EHBP1: variants seen among roughly 807,000 people sequenced by gnomAD.
The protein encoded by EHBP1 is EH domain binding protein 1.
EHBP1 carries 55 observed loss-of-function variants against 144.0 expected under a neutral mutation model. That is an observed-to-expected ratio of 0.38 (90% confidence interval 0.31 to 0.48). The LOEUF (loss-of-function observed/expected upper bound fraction) is 0.48. Ranked by LOEUF, EHBP1 falls within the 20% of genes least tolerant of loss-of-function variation. The pLI, the probability that EHBP1 is intolerant of heterozygous loss-of-function variation, is 0.98. For synonymous variants in EHBP1, 469 were observed against 472.7 expected (o/e 0.99, Z 0.10); for missense variants, 1,200 against 1,364.2 (o/e 0.88, Z 1.90).
intron 3 of EHBP1, among the ~76,000 whole-genome samples, chr2:62,754,229 T>C (rs2040044017): frequency 6.6e-6 from 1 of 152,192 alleles, no homozygotes; most frequent in Non-Finnish European, 1.5e-5. Context: ...CCCTCAGCTG[T>C]AGGTCTGTTG....
At chr2:62,855,764 C>G (rs1000503029) in intron 7 of EHBP1, among the ~76,000 whole-genome samples, 1 of 152,134 alleles carries the variant, frequency 6.6e-6, no homozygotes, top group Admixed American at 6.5e-5. Context: ...GCAACCCACT[C>G]CAGGACCTCT....
At chr2:62,699,084 A>G (rs1006530174) in intron 1 of EHBP1, among the ~76,000 whole-genome samples, 1 of 152,164 alleles carries the variant, frequency 6.6e-6, no homozygotes, top group African/African-American at 2.4e-5. Flanking sequence ...CAAGATTATG[A>G]ATTTCTACCA....
chr2:62,816,014 A>C (rs1167045116), intron 5 of EHBP1, among the ~76,000 whole-genome samples: 1 of 152,222 alleles, frequency 6.6e-6, no homozygotes, highest in Admixed American at 6.5e-5. Context: ...TATTACCATT[A>C]GCCTTTAAGA....
At chr2:62,709,996 C>T (rs1471924839) in intron 2 of EHBP1, among the ~76,000 whole-genome samples, 2 of 152,000 alleles carry the variant, frequency 1.3e-5, no homozygotes, top group African/African-American at 4.8e-5. Context: ...GGTTTATACC[C>T]CCTACTCTTC....
chr2:62,931,278 G>A (rs775880554), intron 10 of EHBP1, among the ~76,000 whole-genome samples: 3 of 152,202 alleles, frequency 2.0e-5, no homozygotes, highest in Non-Finnish European at 1.5e-5. Context: ...AAAGATGCTC[G>A]ACATCACTAA....
chr2:62,676,896 A>G (rs191101102), intron 1 of EHBP1, among the ~76,000 whole-genome samples: 1 of 152,338 alleles, frequency 6.6e-6, no homozygotes, highest in Non-Finnish European at 1.5e-5. Flanking sequence ...AAGGATAGCC[A>G]GGTGTGATGC....
intron 14 of EHBP1, among the ~76,000 whole-genome samples, chr2:62,965,693 A>T (rs2058215613): frequency 6.6e-6 from 1 of 152,224 alleles, no homozygotes; most frequent in Admixed American, 6.5e-5. Flanking sequence ...GTTGATGTTC[A>T]TGAATTGACT....
At chr2:62,723,878 A>G (rs1456865038) in intron 2 of EHBP1, among the ~76,000 whole-genome samples, 2 of 152,166 alleles carry the variant, frequency 1.3e-5, no homozygotes, top group African/African-American at 4.8e-5. Flanking sequence ...TTCTCTTTGT[A>G]GATGACCTGA....
In EHBP1 at chr2:62,859,176, C is replaced by A; in HGVS notation, c.642C>A (p.Ile214=). 1 of 1,609,852 alleles carries A rather than the reference C, an allele frequency of 6.2e-7. No individual in the cohort carries two copies. Among genetic ancestry groups the A allele is most frequent in the South Asian group, 1.1e-5 (1 of 90,270 alleles). The part of the protein sequence containing the change: ...EEKAAKITEL[I]NKLNFLDEAE... Reference sequence around the variant, plus strand: ...CCATATGTTTATTTTCAGAGCTTATCAACAAACTTAACTTTTTGGATGAAG... The same window carrying A: ...CCATATGTTTATTTTCAGAGCTTATAAACAAACTTAACTTTTTGGATGAAG... Residue 214 remains isoleucine (I), a synonymous_variant, in exon 8 of 23, where the codon ATC becomes ATA. Coordinates refer to ENST00000431489, the MANE Select transcript of EHBP1 (RefSeq NM_001142616.3).
rs935824808 is a variant in EHBP1, at chr2:62,913,197, T to C, written c.1186-29521T>C. On this transcript the variant is annotated intron_variant, in intron 10 of 22. Transcript: ENST00000431489. The stretch of plus-strand genomic sequence containing the variant: ...ACATTTATGTTTTAAGATTACTTTT[T>C]TAAAGCATTTATGTTTTGAGATCAC... 7.2e-5 allele frequency among the ~76,000 whole-genome samples: 11 copies of C among 152,364 alleles called. No individual in the cohort carries two copies. The South Asian group carries it at 2.3e-3, about 32-fold the overall frequency.
intron 14 of EHBP1, among the ~76,000 whole-genome samples, chr2:62,978,122 A>C (rs2058797435): frequency 6.6e-6 from 1 of 152,122 alleles, no homozygotes. Flanking sequence ...TTTTATCATA[A>C]TAATGCCATA....
At chr2:62,943,002 T>G in intron 11 of EHBP1, 106 bp downstream of exon 11, 1 of 844,224 alleles carries the variant, frequency 1.2e-6, no homozygotes, top group Non-Finnish European at 1.8e-6. Flanking sequence ...TATATTTGTT[T>G]TATTACCCCA....
chr2:62,974,239 A>G (rs924208335), intron 14 of EHBP1, among the ~76,000 whole-genome samples: 5 of 152,082 alleles, frequency 3.3e-5, no homozygotes, highest in Admixed American at 2.6e-4. Context: ...TTTTTGAGGC[A>G]GGGTCTTGCT....
intron 19 of EHBP1, among the ~76,000 whole-genome samples, chr2:63,022,062 G>A (rs150148270): frequency 1.3e-3 from 195 of 152,074 alleles, no homozygotes; most frequent in African/African-American, 4.4e-3. Context: ...CACCGCGCCC[G>A]GCATTCGAAA....
At position 63,026,864 on chromosome 2, in the gene EHBP1, T is replaced by C. The variant is rs186916266; in HGVS notation, c.3104-10671T>C. On this transcript the variant is annotated intron_variant, in intron 19 of 22. Coordinates refer to ENST00000431489, the MANE Select transcript of EHBP1 (RefSeq NM_001142616.3). Reference sequence around the variant, plus strand: ...ACATCATTGCTAAGTCCCAATGGCATACACATGGGAAGACTAAATGAAATC... The same window carrying C: ...ACATCATTGCTAAGTCCCAATGGCACACACATGGGAAGACTAAATGAAATC... 1.9e-4 allele frequency among the ~76,000 whole-genome samples: 29 copies of C among 152,358 alleles called. No homozygotes were observed. The East Asian group carries it at 4.8e-3, about 25-fold the overall frequency.
chr2:62,943,775 T>A, intron 11 of EHBP1, 27 bp from the exon 12 acceptor site: 1 of 1,539,520 alleles, frequency 6.5e-7, no homozygotes. Context: ...ATACTATATG[T>A]ACCCACTGTG....
At position 63,002,622 on chromosome 2, in the gene EHBP1, C is replaced by A. The variant is rs549022327; in HGVS notation, c.3103+5856C>A. Among the ~76,000 whole-genome samples the A allele has an allele frequency of 7.9e-5, 12 of 151,846 alleles. No homozygotes were observed. The East Asian group carries it at 2.1e-3, about 27-fold the overall frequency. On this transcript the variant is annotated intron_variant, in intron 19 of 22. Transcript: ENST00000431489. ...ATATTCCTGAAATGCTATATATGAT[C>A]ATAAAAGATTTGCTCTGTGAATGAG...
At chr2:62,798,057 G>A (rs1558687297) in intron 5 of EHBP1, among the ~76,000 whole-genome samples, 1 of 152,170 alleles carries the variant, frequency 6.6e-6, no homozygotes, top group Non-Finnish European at 1.5e-5. Context: ...AGAATTGAAA[G>A]ATAATTTTTG....
chr2:62,945,068 A>G (rs556081544), intron 12 of EHBP1, among the ~76,000 whole-genome samples: 5 of 152,346 alleles, frequency 3.3e-5, no homozygotes, highest in African/African-American at 7.2e-5. Context: ...CATAGTGTTA[A>G]CCATGCCTGA....
Sources: gnomAD v4.1 joint callset for allele counts (sites outside exome capture counted in the v4.1 genomes callset) on GRCh38, gnomAD v4.1.1 for gene constraint, MANE v1.5 for transcripts, NCBI Gene and HGNC (gene_info 2026-07-23, HGNC 2026-07-21) for gene names.